RERE: variants seen among roughly 807,000 people sequenced by gnomAD.
RERE encodes the protein arginine-glutamic acid dipeptide repeats, also known as arginine-glutamic acid dipeptide repeats protein.
Under a neutral mutation model 146.1 loss-of-function variants are expected in RERE, and 40 were observed. The observed-to-expected ratio is 0.27, with a 90% CI of 0.21 to 0.36. The LOEUF (loss-of-function observed/expected upper bound fraction) is 0.36. RERE is among the 10% of genes least tolerant of loss of function. The probability of loss-of-function intolerance (pLI) is 1.00; values close to 1 mark genes in which losing one functional copy is unlikely to be tolerated. For missense variants in RERE, 1,933 were observed against 2,138.7 expected (o/e 0.90, Z 1.90); for synonymous variants, 1,003 against 866.0 (o/e 1.16, Z -2.78).
intron 10 of RERE, among the ~76,000 whole-genome samples, chr1:8,486,154 TA>T (rs537022677): frequency 1.3e-5 from 2 of 151,748 alleles, no homozygotes; most frequent in African/African-American, 4.8e-5. Flanking sequence ...AACTAGGTGA[TA>T]AAAAAAATTA....
chr1:8,809,137 T>TAAAAAAAAAAAAAAAAAA (rs58263107), intron 1 of RERE, among the ~76,000 whole-genome samples: 2 of 95,072 alleles, frequency 2.1e-5, no homozygotes, highest in African/African-American at 9.1e-5. Context: ...GACTTTGTCT[T>TAAAAAAAAAAAAAAAAAA]AAAAAAAAAA....
At chr1:8,569,297 A>T (rs1335271055) in intron 4 of RERE, among the ~76,000 whole-genome samples, 2 of 151,110 alleles carry the variant, frequency 1.3e-5, no homozygotes, top group Non-Finnish European at 2.9e-5. Context: ...ACAAAATTTG[A>T]CATTTTTGTA....
rs1440350980 is a variant in RERE at position 8,492,334 on chromosome 1, GAATA to G, written c.1104+2725_1104+2728del. Reference sequence around the variant, plus strand: ...TTAAGAGAGTTTGGAATAAAAAGGGGAATAAATCATATACATTCAAGAAAGTGCC... The same window carrying G: ...TTAAGAGAGTTTGGAATAAAAAGGGGAATCATATACATTCAAGAAAGTGCC... On this transcript the variant is annotated intron_variant, in intron 10 of 22. Transcript: ENST00000400908. Among the ~76,000 whole-genome samples the G allele has an allele frequency of 5.9e-5, 9 of 152,198 alleles. No homozygotes were observed. In the East Asian group the frequency reaches 1.7e-3, roughly 29 times the overall value.
intron 1 of RERE, among the ~76,000 whole-genome samples, chr1:8,768,416 T>C (rs1256428942): frequency 6.6e-6 from 1 of 152,200 alleles, no homozygotes; most frequent in Non-Finnish European, 1.5e-5. Context: ...TTTTCTCTAA[T>C]CCTTAAGTCA....
intron 1 of RERE, among the ~76,000 whole-genome samples, chr1:8,790,249 C>T (rs560989919): frequency 5.9e-5 from 9 of 151,930 alleles, no homozygotes; most frequent in South Asian, 4.2e-4. Flanking sequence ...TACTGAAACG[C>T]GAGATAGTTA....
At chr1:8,536,444 A>G (rs190932422) in intron 7 of RERE, among the ~76,000 whole-genome samples, 133 of 152,310 alleles carry the variant, frequency 8.7e-4, no homozygotes, top group Non-Finnish European at 1.6e-3. Flanking sequence ...GACAGTAAAG[A>G]GAGGCATATA....
intron 1 of RERE, among the ~76,000 whole-genome samples, chr1:8,788,368 T>G (rs991653997): frequency 1.3e-5 from 2 of 150,890 alleles, no homozygotes; most frequent in African/African-American, 4.9e-5. Context: ...AGGAGTTTTT[T>G]TTTTTTTTTT....
chr1:8,777,807 T>G (rs1361983044), intron 1 of RERE, among the ~76,000 whole-genome samples: 1 of 151,774 alleles, frequency 6.6e-6, no homozygotes, highest in African/African-American at 2.4e-5. Flanking sequence ...AGTGCTGGGA[T>G]TACAGGCATG....
At chr1:8,709,831 A>G (rs1463360930) in intron 1 of RERE, among the ~76,000 whole-genome samples, 1 of 152,318 alleles carries the variant, frequency 6.6e-6, no homozygotes, top group East Asian at 1.9e-4. Context: ...CCCTAGTTCA[A>G]TGAATATACA....
At chr1:8,357,576 C>T (rs1340316124) in intron 20 of RERE, among the ~76,000 whole-genome samples, 1 of 152,216 alleles carries the variant, frequency 6.6e-6, no homozygotes, top group African/African-American at 2.4e-5. Context: ...GTAGCCACCC[C>T]CTGCGCCATC....
rs1553161719 is a variant in RERE at position 8,400,222 on chromosome 1, A to ATGTGTGTGTGTGTGTG, written c.1284+22489_1284+22504dup. ...CTCTTCCTTTCCATTCCTGTGTCAT[A>ATGTGTGTGTGTGTGTG]TGTGTGTGTGTGTGTGTGTGTGTGT... On this transcript the variant is annotated intron_variant, in intron 12 of 22. Coordinates refer to ENST00000400908, the MANE Select transcript of RERE (RefSeq NM_001042681.2). Among the ~76,000 whole-genome samples, 53 of 140,150 alleles carry ATGTGTGTGTGTGTGTG rather than the reference A, an allele frequency of 3.8e-4. No individual in the cohort carries two copies. In the South Asian group the frequency reaches 6.0e-3, roughly 16 times the overall value. The allele number at this position is 140,150 out of a possible 152,430, so 91.9% of individuals were successfully genotyped here.
At chr1:8,728,507 G>C (rs1640016680) in intron 1 of RERE, among the ~76,000 whole-genome samples, 1 of 149,890 alleles carries the variant, frequency 6.7e-6, no homozygotes, top group African/African-American at 2.4e-5. Flanking sequence ...GAGCGAAAAA[G>C]TCTATATTCT....
chr1:8,506,123 G>T (rs925891907), intron 8 of RERE, among the ~76,000 whole-genome samples: 1 of 152,150 alleles, frequency 6.6e-6, no homozygotes, highest in African/African-American at 2.4e-5. Context: ...GAAATACACA[G>T]TGAGAGGGAA....
rs970337652 is a variant in RERE at position 8,445,584 on chromosome 1, A to G, written c.1203+20341T>C. On this transcript the variant is annotated intron_variant, in intron 11 of 22. Transcript: ENST00000400908. ...GTGGTTGAAGACAATAATCTTCATA[A>G]GCAGGAAATTACAGAGGTGATCTTG... is the stretch of plus-strand genomic sequence containing the variant. 7.2e-5 allele frequency among the ~76,000 whole-genome samples: 11 copies of G among 152,186 alleles called. No homozygotes were observed. The East Asian group carries it at 2.1e-3, about 29-fold the overall frequency.
At position 8,364,067 on chromosome 1, in the gene RERE, T is replaced by C; in HGVS notation, c.1729A>G (p.Ser577Gly). The stretch of plus-strand genomic sequence containing the variant: ...CCCAGGGGACTCACCGAGCCCCGAC[T>C]CCGCCGTGTCCTCATGCTATGCTTC... ...SGKHSMRTRR[S>G]RGSMSTLRSG... is the part of the protein sequence containing the mutation. Residue 577 changes from serine to glycine, a missense_variant, in exon 15 of 23, where the codon AGT becomes GGT. Ser to Gly is a moderately conservative substitution (Grantham distance 56). This residue lies in a region of RERE where 1,255 missense variants were observed against 1,153.8 expected (regional missense o/e 1.09). Coordinates refer to ENST00000400908, the MANE Select transcript of RERE (RefSeq NM_001042681.2). This position sits in a 1 kb window ranked among gnomAD's most constrained non-coding sequence, Gnocchi z 5.1. The C allele has an allele frequency of 6.2e-7, 1 of 1,614,132 alleles. No homozygotes were observed.
intron 1 of RERE, among the ~76,000 whole-genome samples, chr1:8,700,535 C>T (rs1008577537): frequency 6.6e-6 from 1 of 152,094 alleles, no homozygotes; most frequent in Non-Finnish European, 1.5e-5. Flanking sequence ...GCCACACATG[C>T]CCCTGAGCAG....
intron 1 of RERE, among the ~76,000 whole-genome samples, chr1:8,767,109 ACTATT>A (rs2124540088): frequency 6.6e-6 from 1 of 152,316 alleles, no homozygotes; most frequent in Non-Finnish European, 1.5e-5. Flanking sequence ...CAATAAATTG[ACTATT>A]CATTTTCTAC....
chr1:8,365,526 C>G (rs1641771421), intron 13 of RERE, among the ~76,000 whole-genome samples: 1 of 152,192 alleles, frequency 6.6e-6, no homozygotes, highest in South Asian at 2.1e-4. Context: ...CAAAAACATC[C>G]CAGGCCAAGA....
chr1:8,669,081 G>GTGTGTTGTC (rs1638652702), intron 1 of RERE, among the ~76,000 whole-genome samples: 1 of 100,166 alleles, frequency 1.0e-5, no homozygotes, highest in African/African-American at 3.7e-5. Context: ...TGTGTGTTGT[G>GTGTGTTGTC]TTTTTAAGAC....
Sources: allele counts gnomAD v4.1 joint callset (sites outside exome capture counted in the v4.1 genomes callset), GRCh38; gene constraint gnomAD v4.1.1; regional missense constraint gnomAD v4.1.1; non-coding constraint Gnocchi (gnomAD v3.1); transcripts MANE v1.5; gene names NCBI Gene and HGNC (gene_info 2026-07-23, HGNC 2026-07-21).